The following LONRF1 variants were observed in gnomAD, a reference collection of about 807,000 sequenced individuals.
The protein encoded by LONRF1 is LON peptidase N-terminal domain and RING finger protein 1.
LONRF1 carries 37 observed loss-of-function variants against 85.8 expected under a neutral mutation model. The ratio of observed to expected loss-of-function variants is 0.43; its 90% confidence interval spans 0.33 to 0.57. LONRF1 has a LOEUF of 0.57. Among genes scored for constraint, LONRF1 ranks in the 20% least tolerant of loss-of-function variants. The probability of loss-of-function intolerance (pLI) is 0.04; values close to 1 mark genes in which losing one functional copy is unlikely to be tolerated. For missense variants in LONRF1, 1,036 were observed against 978.0 expected (o/e 1.06, Z -0.79); for synonymous variants, 517 against 390.1 (o/e 1.33, Z -3.83).
intron 11 of LONRF1, among the ~76,000 whole-genome samples, chr8:12,724,746 T>C (rs1409158410): frequency 6.6e-6 from 1 of 152,202 alleles, no homozygotes; most frequent in Non-Finnish European, 1.5e-5. Context: ...TCAAAGCCCA[T>C]TTCTGTGATG....
At chr8:12,725,427 T>C (rs887943317) in intron 11 of LONRF1, among the ~76,000 whole-genome samples, 3 of 152,130 alleles carry the variant, frequency 2.0e-5, no homozygotes, top group Admixed American at 1.3e-4. Context: ...GATAGTAACA[T>C]CCCGTTTTTA....
rs980841330 is a variant in LONRF1, at chr8:12,725,961, G to C, written c.2011-82C>G. 402 of 1,331,200 alleles carry C rather than the reference G, an allele frequency of 3.0e-4. 1 individual carries two copies. Among genetic ancestry groups the C allele is most frequent in the Middle Eastern group, 1.7e-3 (7 of 4,192 alleles). The allele number at this position is 1,331,200 out of a possible 1,614,324, so 82.5% of individuals were successfully genotyped here. On this transcript the variant is annotated intron_variant, in intron 10 of 11. Coordinates refer to ENST00000398246, the MANE Select transcript of LONRF1 (RefSeq NM_152271.5). ...ATGCCAACCGACACAAATGGAAAAA[G>C]GGATCAGAAGAACAGGGCAATACCT...
At chr8:12,754,313 G>A (rs999871185) in intron 1 of LONRF1, 6 of 166,170 alleles carry the variant, frequency 3.6e-5, no homozygotes, top group African/African-American at 1.4e-4. Flanking sequence ...CCAATTCCCG[G>A]AAAGCGCGCG....
chr8:12,740,426 T>C (rs923526598), intron 3 of LONRF1, among the ~76,000 whole-genome samples: 11 of 151,766 alleles, frequency 7.2e-5, no homozygotes, highest in African/African-American at 1.9e-4. Context: ...ACACCACAAA[T>C]AGAACAAAGT....
intron 11 of LONRF1, among the ~76,000 whole-genome samples, chr8:12,725,095 G>C (rs1015350346): frequency 2.0e-5 from 3 of 152,184 alleles, no homozygotes; most frequent in Non-Finnish European, 4.4e-5. Context: ...GATTTTCCAG[G>C]AGCCAGACCC....
At chr8:12,749,148 C>T (rs546583291) in intron 1 of LONRF1, among the ~76,000 whole-genome samples, 3 of 152,216 alleles carry the variant, frequency 2.0e-5, no homozygotes, top group Non-Finnish European at 4.4e-5. Flanking sequence ...TTGTTGATAA[C>T]ATTCCAAAAT....
chr8:12,737,170 G>C, intron 4 of LONRF1, 30 bp from the exon 5 acceptor site: 3 of 1,603,728 alleles, frequency 1.9e-6, no homozygotes, highest in Non-Finnish European at 2.6e-6. Flanking sequence ...AAAGGTAACT[G>C]TATTTCTTTA....
chr8:12,724,598 C>T (rs1205712757), intron 11 of LONRF1, among the ~76,000 whole-genome samples: 3 of 152,150 alleles, frequency 2.0e-5, no homozygotes, highest in East Asian at 1.9e-4. Context: ...TCCTAACTCA[C>T]ACAACACTGC....
chr8:12,740,280 T>A (rs1206308913), intron 3 of LONRF1, among the ~76,000 whole-genome samples: 1 of 152,206 alleles, frequency 6.6e-6, no homozygotes, highest in African/African-American at 2.4e-5. Context: ...TTTTATTTCA[T>A]GCTGGCATAT....
In LONRF1 at chr8:12,755,156, G is replaced by C. The variant is rs867422989; in HGVS notation, c.265C>G (p.Leu89Val). 2.1e-6 allele frequency: 3 copies of C among 1,424,028 alleles called. No individual in the cohort carries two copies. The highest frequency in any genetic ancestry group is 2.7e-6 in the Non-Finnish European group (3 of 1,090,916). 88.2% of individuals were successfully genotyped at this position (1,424,028 alleles called of 1,614,324 possible). A position where few individuals can be genotyped will look rare whatever the true frequency, so the allele number is the denominator to read the frequency against. The change falls in exon 1 of 12, where the codon CTG becomes GTG. Residue 89 changes from leucine (L) to valine (V), a missense_variant. By Grantham distance (32) the Leu-to-Val change is conservative. Coordinates refer to ENST00000398246, the MANE Select transcript of LONRF1 (RefSeq NM_152271.5). ...APARPECLGA[L>V]VDCLVFNYRL... ...TAGTTGAACACCAGGCAGTCCACCA[G>C]GGCGCCCAGGCACTCGGGCCTGGCC...
At chr8:12,750,040 G>C (rs560966407) in intron 1 of LONRF1, among the ~76,000 whole-genome samples, 1 of 152,226 alleles carries the variant, frequency 6.6e-6, no homozygotes, top group South Asian at 2.1e-4. Flanking sequence ...AATCAACTTT[G>C]TGTTTTGAAT....
chr8:12,746,465 A>T (rs376711888), intron 1 of LONRF1, among the ~76,000 whole-genome samples: 1 of 152,230 alleles, frequency 6.6e-6, no homozygotes, highest in African/African-American at 2.4e-5. Context: ...ATCATCCAGC[A>T]AGACAGCTCA....
chr8:12,752,671 T>C (rs1408021046), intron 1 of LONRF1, among the ~76,000 whole-genome samples: 1 of 152,176 alleles, frequency 6.6e-6, no homozygotes, highest in Non-Finnish European at 1.5e-5. Flanking sequence ...ATATCCTCGA[T>C]CCAAGAACCA....
intron 1 of LONRF1, among the ~76,000 whole-genome samples, chr8:12,751,454 C>A (rs2117354208): frequency 6.7e-6 from 1 of 150,356 alleles, no homozygotes; most frequent in Middle Eastern, 3.4e-3. Context: ...CAGGCATGCA[C>A]CACCACGCCT....
At position 12,733,560 on chromosome 8, in the gene LONRF1, A is replaced by C. The variant is rs1371628172; in HGVS notation, c.1567-1703T>G. 3.9e-5 allele frequency among the ~76,000 whole-genome samples: 6 copies of C among 152,124 alleles called. No homozygotes were observed. In the South Asian group the frequency reaches 6.2e-4, roughly 16 times the overall value. On this transcript the variant is annotated intron_variant, in intron 7 of 11. Coordinates refer to ENST00000398246, the MANE Select transcript of LONRF1 (RefSeq NM_152271.5). ...CACCCACTACTGAGTAGAGGAGCAG[A>C]CCTCAACTCTGTCCTTCAGTGACAG...
intron 6 of LONRF1, among the ~76,000 whole-genome samples, chr8:12,736,442 G>A (rs1798718105): frequency 6.6e-6 from 1 of 152,076 alleles, no homozygotes; most frequent in Non-Finnish European, 1.5e-5. Context: ...CTTTTATACT[G>A]AAGCCATGTG....
At chr8:12,753,133 T>C (rs946059089) in intron 1 of LONRF1, 1 of 152,228 alleles carries the variant, frequency 6.6e-6, no homozygotes, top group Non-Finnish European at 1.5e-5. Context: ...CCAAATACTT[T>C]TTTTTTGTTC....
chr8:12,722,374 G>A lies in LONRF1; in HGVS notation c.*722C>T, dbSNP rs1329904406. On this transcript the variant is annotated 3_prime_UTR_variant, in exon 12 of 12. Coordinates refer to ENST00000398246, the MANE Select transcript of LONRF1 (RefSeq NM_152271.5). ...ATGTAAACCATATTTTCACAGTTTTGAGTGTTTTATGAATAGATGCACAGT... is the reference window on the plus strand; with the variant it reads ...ATGTAAACCATATTTTCACAGTTTTAAGTGTTTTATGAATAGATGCACAGT... The A allele has an allele frequency of 6.6e-6, 1 of 152,556 alleles. No homozygotes were observed. The allele number at this position is 152,556 out of a possible 1,614,324, so 9.5% of individuals were successfully genotyped here.
intron 1 of LONRF1, among the ~76,000 whole-genome samples, chr8:12,751,400 G>A (rs563311072): frequency 4.3e-5 from 6 of 140,418 alleles, no homozygotes; most frequent in African/African-American, 1.1e-4. Flanking sequence ...TCCACTTTCC[G>A]GGTTCAAGCA....
Sources: gnomAD v4.1 joint callset for allele counts (sites outside exome capture counted in the v4.1 genomes callset) on GRCh38, gnomAD v4.1.1 for gene constraint, MANE v1.5 for transcripts, NCBI Gene and HGNC (gene_info 2026-07-23, HGNC 2026-07-21) for gene names.